SEZ6L2: variants seen among roughly 807,000 people sequenced by gnomAD.
SEZ6L2 encodes seizure related 6 homolog like 2.
In SEZ6L2, 44 loss-of-function variants were observed where a neutral mutation model predicts 97.0. The ratio of observed to expected loss-of-function variants is 0.45; its 90% CI spans 0.36 to 0.58. The LOEUF (loss-of-function observed/expected upper bound fraction) is 0.58. Among genes scored for constraint, SEZ6L2 ranks in the 20% least tolerant of loss-of-function variants. The pLI is 0.00. For synonymous variants in SEZ6L2, 543 were observed against 546.1 expected (o/e 0.99, Z 0.08); for missense variants, 1,086 against 1,233.3 (o/e 0.88, Z 1.79).
rs1457110837 is a variant in SEZ6L2, at chr16:29,895,397, C to G, written c.715G>C (p.Gly239Arg). Residue 239 changes from glycine to arginine, a missense_variant, in exon 5 of 18, where the codon GGC (glycine) becomes CGC (arginine). Transcript: ENST00000617533. The stretch of plus-strand genomic sequence containing the variant: ...TTGGCCAGGAGTCGGGGGGCCAGGC[C>G]TGGGGATCCCCCACCAGCCAGCACC... ...LLVLAGGGSP[G>R]LAPRLLANSS... 6.2e-6 allele frequency: 10 copies of G among 1,614,136 alleles called. No individual in the cohort carries two copies. Among genetic ancestry groups the G allele is most frequent in the African/African-American group, 4.0e-5 (3 of 75,032 alleles).
chr16:29,887,420 C>A (rs532507286), intron 7 of SEZ6L2, among the ~76,000 whole-genome samples: 1 of 151,022 alleles, frequency 6.6e-6, no homozygotes, highest in Admixed American at 6.6e-5. Context: ...CCTGCCTCAG[C>A]CTCCCGAGTA....
At chr16:29,878,763 C>CTT (rs529820559) in intron 9 of SEZ6L2, among the ~76,000 whole-genome samples, 194 of 127,918 alleles carry the variant, frequency 1.5e-3, no homozygotes, top group African/African-American at 4.5e-3. Flanking sequence ...TTTCTTTTTT[C>CTT]TTTTTTTTTT....
At chr16:29,874,811 T>C (rs1163862187) in intron 12 of SEZ6L2, among the ~76,000 whole-genome samples, 1 of 152,022 alleles carries the variant, frequency 6.6e-6, no homozygotes, top group Non-Finnish European at 1.5e-5. Flanking sequence ...CCTCAGGTGA[T>C]CCACCCACCT....
At chr16:29,891,808 T>C (rs1471685899) in intron 5 of SEZ6L2, among the ~76,000 whole-genome samples, 1 of 152,174 alleles carries the variant, frequency 6.6e-6, no homozygotes, top group Admixed American at 6.5e-5. Flanking sequence ...TCTAGGGGCC[T>C]CTCACCTATT....
chr16:29,884,957 C>T (rs1308613594), intron 8 of SEZ6L2, among the ~76,000 whole-genome samples: 2 of 152,160 alleles, frequency 1.3e-5, no homozygotes, highest in African/African-American at 4.8e-5. Context: ...CCTGTAATCC[C>T]AGCACTTTGG....
intron 8 of SEZ6L2, among the ~76,000 whole-genome samples, chr16:29,881,620 C>CTTTTTTTTTTTTT (rs59318540): frequency 1.2e-5 from 1 of 85,120 alleles, no homozygotes; most frequent in Admixed American, 1.5e-4. Flanking sequence ...ATGAGGAATT[C>CTTTTTTTTTTTTT]TTTTTTTTTT....
At chr16:29,893,720 G>A (rs916625630) in intron 5 of SEZ6L2, among the ~76,000 whole-genome samples, 2 of 151,714 alleles carry the variant, frequency 1.3e-5, no homozygotes, top group Non-Finnish European at 1.5e-5. Flanking sequence ...ACTGCTTACT[G>A]AAGCAGATAA....
intron 12 of SEZ6L2, among the ~76,000 whole-genome samples, chr16:29,875,661 C>CTTTTTTTTTTTTT (rs149293940): frequency 4.4e-5 from 5 of 112,710 alleles, no homozygotes; most frequent in Admixed American, 9.4e-5. Context: ...TTCTTTCTTT[C>CTTTTTTTTTTTTT]TTTCTTTTTT....
chr16:29,887,154 C>A (rs2068158693), intron 7 of SEZ6L2, among the ~76,000 whole-genome samples: 1 of 148,004 alleles, frequency 6.8e-6, no homozygotes, highest in African/African-American at 2.5e-5. Context: ...GCACTCCAGC[C>A]TGGGCAACAA....
At position 29,873,808 on chromosome 16, in the gene SEZ6L2, T is replaced by G; in HGVS notation, c.2105-79A>C. The G allele has an allele frequency of 6.0e-6, 8 of 1,337,300 alleles. No individual in the cohort carries two copies. The highest frequency in any genetic ancestry group is 1.5e-5 in the African/African-American group (1 of 68,130). 82.8% of individuals were successfully genotyped at this position (1,337,300 alleles called of 1,614,324 possible). A position where few individuals can be genotyped will look rare whatever the true frequency, so the allele number is the denominator to read the frequency against. ...GGGCAACACAGAGAGACCCCATCTC[T>G]ACAAAAAATTGAAAAATTAGCCAGG... On this transcript the variant is annotated intron_variant, in intron 12 of 17. Coordinates refer to ENST00000617533, the MANE Select transcript of SEZ6L2 (RefSeq NM_001243332.2). The surrounding 1 kb of genome is among the most constrained non-coding windows in gnomAD (Gnocchi z 4.3).
Position 29,873,341 on chromosome 16 carries a change from C to T in SEZ6L2, c.2387G>A (p.Arg796His), listed in dbSNP as rs368572589. 2.1e-5 allele frequency: 34 copies of T among 1,614,104 alleles called. No homozygotes were observed. Among genetic ancestry groups the T allele is most frequent in the Admixed American group, 3.3e-5 (2 of 60,002 alleles). The stretch of plus-strand genomic sequence containing the variant: ...CTCAAAGCCCTCATAGCAGAAGAAG[C>T]GCAGAGACTCGCCCGCCTGGTAGTG... ...KHHYQAGESL[R>H]FFCYEGFELI... The change falls in exon 14 of 18, where the codon CGC becomes CAC. Residue 796 changes from arginine (R) to histidine (H), a missense_variant. Arg to His is a conservative substitution (Grantham distance 29). Transcript: ENST00000617533. This position sits in a 1 kb window ranked among gnomAD's most constrained non-coding sequence, Gnocchi z 4.3.
chr16:29,884,825 A>G (rs1488901529), intron 8 of SEZ6L2, among the ~76,000 whole-genome samples: 1 of 151,834 alleles, frequency 6.6e-6, no homozygotes, highest in Non-Finnish European at 1.5e-5. Context: ...AGGCAGGAAA[A>G]TCGCTTGAAC....
Position 29,896,850 on chromosome 16 carries a change from TGTC to T in SEZ6L2, c.480_482del (p.Thr162del), listed in dbSNP as rs2068402699. Reference sequence around the variant, plus strand: ...GGCTGGTCACCGTAGTGGTAACAGTTGTCGTGGTGATGATGGTGGTCGTCGTCT... The same window carrying T: ...GGCTGGTCACCGTAGTGGTAACAGTTGTGGTGATGATGGTGGTCGTCGTCT... On this transcript the variant is annotated inframe_deletion, in exon 3 of 18. Transcript: ENST00000617533. 1 of 1,613,998 alleles carries T rather than the reference TGTC, an allele frequency of 6.2e-7. No individual in the cohort carries two copies. The highest frequency in any genetic ancestry group is 8.5e-7 in the Non-Finnish European group (1 of 1,179,942).
intron 10 of SEZ6L2, 149 bp from the exon 11 acceptor site, chr16:29,877,616 GT>G: frequency 1.4e-6 from 1 of 738,596 alleles, no homozygotes; most frequent in Non-Finnish European, 2.1e-6. Context: ...CGCCGCCTCC[GT>G]TTTGACCAAC....
intron 9 of SEZ6L2, among the ~76,000 whole-genome samples, chr16:29,878,827 G>A (rs865980984): frequency 7.0e-5 from 10 of 143,464 alleles, no homozygotes; most frequent in South Asian, 6.5e-4. Context: ...GAATGGTCTC[G>A]ATCTCCTGAC....
In SEZ6L2 at chr16:29,876,924, CG is replaced by C; in HGVS notation, c.1935del (p.Glu646SerfsTer17). The part of the protein sequence containing the change: ...FKEVPRNDTC[P>X]ELPPPEWGWR... ...CAGCCCCACTCCGGAGGTGGCAGCT[CG>C]GGGCACGTGTCGTTCCTCGGGACCT... On this transcript the variant is annotated frameshift_variant, in exon 12 of 18. Coordinates refer to ENST00000617533, the MANE Select transcript of SEZ6L2 (RefSeq NM_001243332.2). LOFTEE classifies it high-confidence loss of function. The surrounding 1 kb of genome is among the most constrained non-coding windows in gnomAD (Gnocchi z 6.5). 6.2e-7 allele frequency: 1 copy of C among 1,610,600 alleles called. No homozygotes were observed. The highest frequency in any genetic ancestry group is 8.5e-7 in the Non-Finnish European group (1 of 1,177,794).
In SEZ6L2 at chr16:29,897,853, C is replaced by T. The variant is rs1273202032; in HGVS notation, c.211G>A (p.Gly71Arg). Residue 71 changes from glycine to arginine, a missense_variant and splice_region_variant, in exon 2 of 18, where the codon GGA becomes AGA. By Grantham distance (125) the Gly-to-Arg change is moderately radical (BLOSUM62 -2). This residue lies in a region of SEZ6L2 where 776 missense variants were observed against 794.7 expected (regional missense o/e 0.98). Coordinates refer to ENST00000617533, the MANE Select transcript of SEZ6L2 (RefSeq NM_001243332.2). ...ACTCCTGCCACTCTGGGGGCCTCAC[C>T]TGGCAGGTAGCCCATCTCTGGGCCC... ...RRGPEMGYLP[G>R]SDRDPTLATP... 6.2e-7 allele frequency: 1 copy of T among 1,602,056 alleles called. No individual in the cohort carries two copies. Among genetic ancestry groups the T allele is most frequent in the Admixed American group, 1.8e-5 (1 of 55,108 alleles).
chr16:29,887,803 T>C lies in SEZ6L2; in HGVS notation c.1054A>G (p.Thr352Ala), dbSNP rs1439693297. 5 of 1,613,666 alleles carry C rather than the reference T, an allele frequency of 3.1e-6. No individual in the cohort carries two copies. The East Asian group carries it at 1.1e-4, about 36-fold the overall frequency. Residue 352 changes from threonine (T) to alanine (A), a missense_variant, in exon 7 of 18, where the codon ACC (threonine) becomes GCC (alanine). By Grantham distance (58) the Thr-to-Ala change is moderately conservative. Transcript: ENST00000617533. Reference sequence around the variant, plus strand: ...CGGCCCAGGGTGGCATTGTGGATGGTGCCACCACAGGATGCTGTGGGCAGA... The same window carrying C: ...CGGCCCAGGGTGGCATTGTGGATGGCGCCACCACAGGATGCTGTGGGCAGA... Reference protein sequence around the residue: ...TPSCMASCGGTIHNATLGRIV... With the variant: ...TPSCMASCGGAIHNATLGRIV...
At chr16:29,878,605 G>C (rs2067961465) in intron 9 of SEZ6L2, among the ~76,000 whole-genome samples, 180 bp from the exon 10 acceptor site, 1 of 150,432 alleles carries the variant, frequency 6.6e-6, no homozygotes, top group African/African-American at 2.4e-5. Flanking sequence ...AATTTTTTTT[G>C]AGACGGAGTC....
Sources: gnomAD v4.1 joint callset for allele counts (sites outside exome capture counted in the v4.1 genomes callset) on GRCh38, gnomAD v4.1.1 for gene constraint, gnomAD v4.1.1 regional missense constraint, Gnocchi (gnomAD v3.1) non-coding constraint, MANE v1.5 for transcripts, NCBI Gene and HGNC (gene_info 2026-07-23, HGNC 2026-07-21) for gene names.